Variants in GREB1L observed in about 807,000 individuals in gnomAD.
GREB1L encodes GREB1-like protein.
In GREB1L, 17 loss-of-function variants were observed where a neutral mutation model predicts 200.8. The observed-to-expected ratio is 0.08, with a 90% CI of 0.06 to 0.13. The LOEUF (loss-of-function observed/expected upper bound fraction) is 0.13. GREB1L is among the 10% of genes least tolerant of loss of function. The probability of loss-of-function intolerance (pLI) is 1.00; values close to 1 mark genes in which losing one functional copy is unlikely to be tolerated. For synonymous variants in GREB1L, 789 were observed against 893.0 expected, an observed-to-expected ratio of 0.88 and a Z score of 2.08; for missense variants, 1,657 against 2,367.7, an observed-to-expected ratio of 0.70 and a Z score of 6.23.
chr18:21,390,234 T>G (rs2040738526), intron 4 of GREB1L, among the ~76,000 whole-genome samples: 1 of 152,126 alleles, frequency 6.6e-6, no homozygotes, highest in African/African-American at 2.4e-5. Flanking sequence ...TAAATGTTAT[T>G]TTTTATTACC....
chr18:21,502,288 C>T (rs1206269969), intron 23 of GREB1L, among the ~76,000 whole-genome samples: 1 of 151,618 alleles, frequency 6.6e-6, no homozygotes. Flanking sequence ...TAGTGTGGCT[C>T]AAAACTGTGG....
At chr18:21,501,931 A>C (rs200784451) in intron 23 of GREB1L, among the ~76,000 whole-genome samples, 1 of 152,278 alleles carries the variant, frequency 6.6e-6, no homozygotes, top group East Asian at 1.9e-4. Flanking sequence ...GGCACCAGGG[A>C]GTTGATTCCA....
chr18:21,446,145 C>T (rs937981540), intron 11 of GREB1L, among the ~76,000 whole-genome samples: 1 of 152,190 alleles, frequency 6.6e-6, no homozygotes, highest in African/African-American at 2.4e-5. Context: ...ATGTCTCAGC[C>T]TCCCGAGTAG....
At chr18:21,395,105 C>CAAAAAAAA (rs372663303) in intron 4 of GREB1L, among the ~76,000 whole-genome samples, 2 of 64,060 alleles carry the variant, frequency 3.1e-5, no homozygotes, top group East Asian at 4.1e-4. Context: ...GACTCCATCT[C>CAAAAAAAA]AAAAAAAAAA....
chr18:21,291,485 T>G (rs2038450077), intron 1 of GREB1L, among the ~76,000 whole-genome samples: 1 of 152,220 alleles, frequency 6.6e-6, no homozygotes, highest in Non-Finnish European at 1.5e-5. Flanking sequence ...TCCTTTGTAT[T>G]CTCAATACCT....
At chr18:21,515,338 T>C in intron 28 of GREB1L, 79 bp from the exon 29 acceptor site, 1 of 911,206 alleles carries the variant, frequency 1.1e-6, no homozygotes, top group Non-Finnish European at 1.7e-6. Context: ...TACTGGTATA[T>C]AGTAGTGTGT....
chr18:21,485,497 A>AT (rs2036092050), intron 17 of GREB1L, 123 bp from the exon 18 acceptor site: 3 of 812,562 alleles, frequency 3.7e-6, no homozygotes, highest in African/African-American at 3.5e-5. Flanking sequence ...ATGAAACAGT[A>AT]TTTTTTCTTA....
chr18:21,464,886 GA>G, intron 15 of GREB1L, among the ~76,000 whole-genome samples: 1 of 152,128 alleles, frequency 6.6e-6, no homozygotes, highest in Middle Eastern at 3.4e-3. Context: ...AGATTAAAAA[GA>G]AAAAAGGTAA....
At chr18:21,378,869 G>C (rs2040185543) in intron 2 of GREB1L, among the ~76,000 whole-genome samples, 1 of 151,090 alleles carries the variant, frequency 6.6e-6, no homozygotes, top group Admixed American at 6.6e-5. Flanking sequence ...AATTAATTTA[G>C]TGTTTTTTTT....
chr18:21,338,661 T>C (rs943075734), intron 1 of GREB1L, among the ~76,000 whole-genome samples: 3 of 152,260 alleles, frequency 2.0e-5, no homozygotes, highest in Non-Finnish European at 2.9e-5. Context: ...TGTTTCTCCA[T>C]GCTGTTTCTT....
At chr18:21,254,070 T>TC (rs1432948674) in intron 1 of GREB1L, among the ~76,000 whole-genome samples, 1 of 140,054 alleles carries the variant, frequency 7.1e-6, no homozygotes, top group South Asian at 2.4e-4. Context: ...TATTTTTTTT[T>TC]TTTTTTTTTT....
chr18:21,363,271 A>ACCCCCCCCCCCCCCCC (rs1567951929), intron 1 of GREB1L, among the ~76,000 whole-genome samples: 1 of 7,310 alleles, frequency 1.4e-4, no homozygotes, highest in Non-Finnish European at 2.6e-4. Context: ...CCCTGCCCCC[A>ACCCCCCCCCCCCCCCC]CTCCGCCTCC....
At chr18:21,379,851 G>C (rs1328835924) in intron 2 of GREB1L, among the ~76,000 whole-genome samples, 1 of 152,138 alleles carries the variant, frequency 6.6e-6, no homozygotes, top group African/African-American at 2.4e-5. Context: ...TGTTTGTATT[G>C]TACTGGTGGG....
At chr18:21,394,170 G>T (rs779885471) in intron 4 of GREB1L, among the ~76,000 whole-genome samples, 1 of 152,166 alleles carries the variant, frequency 6.6e-6, no homozygotes, top group Non-Finnish European at 1.5e-5. Flanking sequence ...AGGCTTTGAT[G>T]GGCCTTGTTT....
intron 7 of GREB1L, among the ~76,000 whole-genome samples, chr18:21,413,555 G>GAACAC (rs2031303925): frequency 6.6e-6 from 1 of 152,130 alleles, no homozygotes; most frequent in Admixed American, 6.5e-5. Context: ...CAGATACTGA[G>GAACAC]AACACGCGGG....
At chr18:21,290,963 A>C (rs1489401280) in intron 1 of GREB1L, among the ~76,000 whole-genome samples, 1 of 152,148 alleles carries the variant, frequency 6.6e-6, no homozygotes, top group Non-Finnish European at 1.5e-5. Context: ...TCCCCTTTTG[A>C]AATGCTTTAT....
At chr18:21,332,218 C>T (rs572472352) in intron 1 of GREB1L, among the ~76,000 whole-genome samples, 34 of 152,160 alleles carry the variant, frequency 2.2e-4, no homozygotes, top group Non-Finnish European at 1.5e-4. Context: ...CATTGTCATC[C>T]TCAGGGACTG....
chr18:21,314,831 C>T (rs1397834573), intron 1 of GREB1L, among the ~76,000 whole-genome samples: 1 of 152,068 alleles, frequency 6.6e-6, no homozygotes, highest in African/African-American at 2.4e-5. Flanking sequence ...AGCCTATAGG[C>T]TAGATTTGGT....
intron 5 of GREB1L, among the ~76,000 whole-genome samples, chr18:21,398,928 C>T (rs1425251342): frequency 6.6e-6 from 1 of 152,120 alleles, no homozygotes; most frequent in African/African-American, 2.4e-5. Context: ...GATAAAATCT[C>T]CCTTGAAGGA....
Sources: gnomAD v4.1 joint callset for allele counts (sites outside exome capture counted in the v4.1 genomes callset) on GRCh38, gnomAD v4.1.1 for gene constraint, MANE v1.5 for transcripts, NCBI Gene and HGNC (gene_info 2026-07-23, HGNC 2026-07-21) for gene names.